Variants in PPP2R2D observed in about 807,000 individuals in gnomAD.
PPP2R2D encodes the protein protein phosphatase 2 regulatory subunit Bdelta.
A neutral mutation model predicts 31.1 loss-of-function variants in PPP2R2D; 9 were observed. The ratio of observed to expected loss-of-function variants is 0.29; its 90% confidence interval spans 0.17 to 0.51. The LOEUF is 0.51. Among genes scored for constraint, PPP2R2D ranks in the 20% least tolerant of loss-of-function variants. PPP2R2D has a pLI of 0.98. For synonymous variants in PPP2R2D, 179 were observed against 172.6 expected (o/e 1.04, Z -0.29); for missense variants, 391 against 465.6 (o/e 0.84, Z 1.48).
In PPP2R2D at chr10:131,902,430, C is replaced by T. The variant is rs971749245; in HGVS notation, c.100+1100C>T. Among the ~76,000 whole-genome samples, 1,280 of 152,242 alleles carry T rather than the reference C, an allele frequency of 8.4e-3. 8 individuals are homozygous for T. Among genetic ancestry groups the T allele is most frequent in the Non-Finnish European group, 0.013 (902 of 68,016 alleles). ...CTCTCCCTGGCAGTGTCTGGTTTGGCACATGACCCCTGAGGACATCTGGAG... is the reference window on the plus strand; with the variant it reads ...CTCTCCCTGGCAGTGTCTGGTTTGGTACATGACCCCTGAGGACATCTGGAG... On this transcript the variant is annotated intron_variant, in intron 2 of 8. Coordinates refer to ENST00000455566, the MANE Select transcript of PPP2R2D (RefSeq NM_018461.5).
chr10:131,927,591 C>T (rs1410571764), intron 2 of PPP2R2D, among the ~76,000 whole-genome samples: 1 of 152,082 alleles, frequency 6.6e-6, no homozygotes, highest in Non-Finnish European at 1.5e-5. Flanking sequence ...AGCAAAGACC[C>T]CCAGTAAATA....
At chr10:131,906,624 T>C (rs1222476823) in intron 2 of PPP2R2D, among the ~76,000 whole-genome samples, 1 of 152,066 alleles carries the variant, frequency 6.6e-6, no homozygotes, top group African/African-American at 2.4e-5. Context: ...TACTGTTTCA[T>C]TGAATGTAAG....
chr10:131,952,655 T>G (rs1554899075), intron 8 of PPP2R2D, among the ~76,000 whole-genome samples: 1 of 45,240 alleles, frequency 2.2e-5, no homozygotes, highest in South Asian at 1.1e-3. Context: ...CTTGCGGGTG[T>G]GCGGGGGGGT....
At chr10:131,904,946 A>G (rs1156312320) in intron 2 of PPP2R2D, among the ~76,000 whole-genome samples, 2 of 151,858 alleles carry the variant, frequency 1.3e-5, no homozygotes, top group African/African-American at 2.4e-5. Flanking sequence ...CCTATGGTGA[A>G]AGTGCTGGCC....
At chr10:131,933,646 A>G (rs1224684713) in intron 2 of PPP2R2D, among the ~76,000 whole-genome samples, 6 of 152,106 alleles carry the variant, frequency 3.9e-5, no homozygotes, top group South Asian at 2.1e-4. Flanking sequence ...AGAGTCTGTC[A>G]TGGAACTCCC....
chr10:131,926,034 G>A (rs1231560553), intron 2 of PPP2R2D, among the ~76,000 whole-genome samples: 1 of 152,138 alleles, frequency 6.6e-6, no homozygotes, highest in Non-Finnish European at 1.5e-5. Flanking sequence ...ATGTTTAGGC[G>A]ACTTCCCCCA....
At chr10:131,918,875 A>G (rs1482434351) in intron 2 of PPP2R2D, among the ~76,000 whole-genome samples, 2 of 147,508 alleles carry the variant, frequency 1.4e-5, no homozygotes, top group Non-Finnish European at 1.5e-5. Context: ...GGGTGGAATG[A>G]CACAGTGTAG....
intron 8 of PPP2R2D, among the ~76,000 whole-genome samples, 175 bp from the exon 9 acceptor site, chr10:131,955,509 A>G (rs1043129127): frequency 6.6e-6 from 1 of 152,214 alleles, no homozygotes; most frequent in Non-Finnish European, 1.5e-5. Flanking sequence ...AAAGCTCGGT[A>G]CACATTTTCA....
In PPP2R2D at chr10:131,914,106, C is replaced by T. The variant is rs146465197; in HGVS notation, c.100+12776C>T. On this transcript the variant is annotated intron_variant, in intron 2 of 8. Coordinates refer to ENST00000455566, the MANE Select transcript of PPP2R2D (RefSeq NM_018461.5). ...TAGCAACATTTGAGTGAAAAAAACACAGACAATAGGTCTGCATGTTTAACC... is the reference window on the plus strand; with the variant it reads ...TAGCAACATTTGAGTGAAAAAAACATAGACAATAGGTCTGCATGTTTAACC... Among the ~76,000 whole-genome samples the T allele has an allele frequency of 9.2e-5, 14 of 152,330 alleles. No homozygotes were observed. The East Asian group carries it at 2.5e-3, about 27-fold the overall frequency.
In PPP2R2D at chr10:131,958,668, A is replaced by C. The variant is rs1156337987; in HGVS notation, c.*2705A>C. On this transcript the variant is annotated 3_prime_UTR_variant, in exon 9 of 9. Transcript: ENST00000455566. ...ATCCCCCATCCCCCTGTGGAGATGA[A>C]GATGTGTGCTGATCCCCCGTCCTCC... 8.3e-6 allele frequency: 2 copies of C among 239,578 alleles called. No homozygotes were observed. Among genetic ancestry groups the C allele is most frequent in the Non-Finnish European group, 1.6e-5 (2 of 123,800 alleles). 14.8% of individuals were successfully genotyped at this position (239,578 alleles called of 1,614,324 possible). A position where few individuals can be genotyped will look rare whatever the true frequency, so the allele number is the denominator to read the frequency against.
Position 131,939,556 on chromosome 10 carries a change from G to T in PPP2R2D, c.199-475G>T, listed in dbSNP as rs921044783. Among the ~76,000 whole-genome samples the T allele has an allele frequency of 3.5e-5, 5 of 141,976 alleles. 1 individual carries two copies. The East Asian group carries it at 1.0e-3, about 29-fold the overall frequency. The allele number at this position is 141,976 out of a possible 152,430, so 93.1% of individuals were successfully genotyped here. The stretch of plus-strand genomic sequence containing the variant: ...CGGCAGACCTGCTCCAGAAAATACG[G>T]CAGGCTGTATTTGGCAGACCTGCTC... On this transcript the variant is annotated intron_variant, in intron 3 of 8. Transcript: ENST00000455566.
At chr10:131,909,266 A>C (rs931397038) in intron 2 of PPP2R2D, among the ~76,000 whole-genome samples, 1 of 152,200 alleles carries the variant, frequency 6.6e-6, no homozygotes, top group Non-Finnish European at 1.5e-5. Flanking sequence ...GATGATGAAT[A>C]AAGGACTTGA....
chr10:131,922,998 C>G (rs1237095137), intron 2 of PPP2R2D, among the ~76,000 whole-genome samples: 3 of 152,138 alleles, frequency 2.0e-5, no homozygotes, highest in Non-Finnish European at 2.9e-5. Context: ...GTTTTACTTA[C>G]AACAGCTTTT....
At position 131,916,802 on chromosome 10, in the gene PPP2R2D, GTGTT is replaced by G. The variant is rs1215023786; in HGVS notation, c.100+15476_100+15479del. Among the ~76,000 whole-genome samples, 47 of 131,230 alleles carry G rather than the reference GTGTT, an allele frequency of 3.6e-4. No individual in the cohort carries two copies. In the East Asian group the frequency reaches 4.4e-3, roughly 12 times the overall value. The allele number at this position is 131,230 out of a possible 152,430, so 86.1% of individuals were successfully genotyped here. On this transcript the variant is annotated intron_variant, in intron 2 of 8. Transcript: ENST00000455566. Reference sequence around the variant, plus strand: ...GACCTCACGCAGGTGGAATGACACAGTGTTTGTAGGGACCTCAGTCGGGTGGAAT... The same window carrying G: ...GACCTCACGCAGGTGGAATGACACAGTGTAGGGACCTCAGTCGGGTGGAAT...
At chr10:131,967,323 C>G in the PPP2R2D span, 1 of 152,218 alleles carries the variant, frequency 6.6e-6, no homozygotes, top group Admixed American at 6.5e-5. Flanking sequence ...TGATGAAAGA[C>G]AAACAGCAAA....
Position 131,957,692 on chromosome 10 carries a change from G to A in PPP2R2D, c.*1729G>A, listed in dbSNP as rs112610682. The A allele has an allele frequency of 0.27, 37,942 of 139,998 alleles. 4,675 individuals carry two copies. The highest frequency in any genetic ancestry group is 0.44 in the East Asian group (1,789 of 4,048). 8.7% of individuals were successfully genotyped at this position (139,998 alleles called of 1,614,324 possible). A position where few individuals can be genotyped will look rare whatever the true frequency, so the allele number is the denominator to read the frequency against. On this transcript the variant is annotated 3_prime_UTR_variant, in exon 9 of 9. Coordinates refer to ENST00000455566, the MANE Select transcript of PPP2R2D (RefSeq NM_018461.5). ...AGATGAAGGGGTGTGCTGATCCCCC[G>A]TCCCCCTGTGGAGATGAAGGTGTGT...
chr10:131,960,459 T>C (rs929390346), downstream of PPP2R2D, among the ~76,000 whole-genome samples: 2 of 152,236 alleles, frequency 1.3e-5, 1 homozygote, highest in Non-Finnish European at 2.9e-5. Flanking sequence ...AACCAGTTTA[T>C]GATGCCCTCG....
intron 8 of PPP2R2D, among the ~76,000 whole-genome samples, chr10:131,952,955 C>T (rs1384154762): frequency 1.3e-5 from 1 of 76,208 alleles, no homozygotes; most frequent in African/African-American, 5.6e-5. Flanking sequence ...TTATCAGTGA[C>T]TTGCGAGTGT....
intron 2 of PPP2R2D, among the ~76,000 whole-genome samples, chr10:131,930,838 G>A (rs2036208162): frequency 6.6e-6 from 1 of 152,162 alleles, no homozygotes; most frequent in Admixed American, 6.5e-5. Context: ...TCAGCTGGGA[G>A]GTGGGCCACC....
Sources: allele counts gnomAD v4.1 joint callset (sites outside exome capture counted in the v4.1 genomes callset), GRCh38; gene constraint gnomAD v4.1.1; transcripts MANE v1.5; gene names NCBI Gene and HGNC (gene_info 2026-07-23, HGNC 2026-07-21).